Variants in APEH observed in about 807,000 individuals in gnomAD.
The protein encoded by APEH is acylamino-acid-releasing enzyme.
In APEH, 75 loss-of-function variants were observed where a neutral mutation model predicts 102.7. That is an observed-to-expected ratio of 0.73 (90% CI 0.61 to 0.89). APEH has a LOEUF of 0.89. Ranked by LOEUF, APEH falls within the 40% of genes least tolerant of loss-of-function variation. The probability of loss-of-function intolerance (pLI) is 0.00; values close to 1 mark genes in which losing one functional copy is unlikely to be tolerated. For missense variants in APEH, 863 were observed against 941.2 expected, an observed-to-expected ratio of 0.92 and a Z score of 1.09; for synonymous variants, 344 against 362.7, an observed-to-expected ratio of 0.95 and a Z score of 0.59.
At position 49,676,175 on chromosome 3, in the gene APEH, G is replaced by A. The variant is rs374901664; in HGVS notation, c.562G>A (p.Asp188Asn). 16 of 1,614,048 alleles carry A rather than the reference G, an allele frequency of 9.9e-6. No individual in the cohort carries two copies. Among genetic ancestry groups the A allele is most frequent in the Admixed American group, 6.7e-5 (4 of 60,012 alleles). Reference protein sequence around the residue: ...QTKALDVSASDDEIARLKKPD... With the variant: ...QTKALDVSASNDEIARLKKPD... ...CAAAGCCTTGGACGTCAGTGCCAGC[G>A]ATGATGAGATAGCCAGGCTGAAGAA... is the stretch of plus-strand genomic sequence containing the variant. The change falls in exon 6 of 22, where the codon GAT (aspartate) becomes AAT (asparagine). Residue 188 changes from aspartate to asparagine, a missense_variant. Transcript: ENST00000296456.
Position 49,679,654 on chromosome 3 carries a change from G to A in APEH, c.1210+10G>A, listed in dbSNP as rs1379549802. On this transcript the variant is annotated intron_variant, in intron 13 of 21. Transcript: ENST00000296456. The surrounding 1 kb of genome is among the most constrained non-coding windows in gnomAD (Gnocchi z 4.3). ...ACCTCCCTCACAGCTGGTGAGCAAG[G>A]CTTTGGGGATGGGGGTAAGGGCAGG... 6.2e-7 allele frequency: 1 copy of A among 1,613,352 alleles called. No individual in the cohort carries two copies.
Position 49,676,473 on chromosome 3 carries a change from C to T in APEH, c.702C>T (p.Ile234=), listed in dbSNP as rs1276803352. 7 of 1,614,136 alleles carry T rather than the reference C, an allele frequency of 4.3e-6. No homozygotes were observed. The highest frequency in any genetic ancestry group is 5.9e-6 in the Non-Finnish European group (7 of 1,180,050). Residue 234 remains isoleucine, a synonymous_variant, in exon 7 of 22, where the codon ATC becomes ATT. Transcript: ENST00000296456. The part of the protein sequence containing the change: ...LCVLDVESGN[I]SVLEGVPENV... The stretch of plus-strand genomic sequence containing the variant: ...TGCTGGATGTCGAGAGTGGCAACAT[C>T]TCTGTGCTTGAGGGGGTCCCTGAGA...
Position 49,679,820 on chromosome 3 carries a change from C to T in APEH, c.1210+176C>T, listed in dbSNP as rs1243056348. 10 of 615,184 alleles carry T rather than the reference C, an allele frequency of 1.6e-5. No homozygotes were observed. The East Asian group carries it at 2.9e-4, about 18-fold the overall frequency. The allele number at this position is 615,184 out of a possible 1,614,324, so 38.1% of individuals were successfully genotyped here. A position where few individuals can be genotyped will look rare whatever the true frequency, so the allele number is the denominator to read the frequency against. On this transcript the variant is annotated intron_variant, in intron 13 of 21. Transcript: ENST00000296456. This position sits in a 1 kb window ranked among gnomAD's most constrained non-coding sequence, Gnocchi z 4.3. ...CCCAAGGCCCCTGTCTGTGCAGACC[C>T]TTACCCAACCAACAGACTAGCTTCC...
rs1283782035 is a variant in APEH at position 49,683,045 on chromosome 3, G to T, written c.1992G>T (p.Lys664Asn). 1 of 1,613,826 alleles carries T rather than the reference G, an allele frequency of 6.2e-7. No homozygotes were observed. The highest frequency in any genetic ancestry group is 1.3e-5 in the African/African-American group (1 of 74,928). The change falls in exon 21 of 22, where the codon AAG (lysine) becomes AAT (asparagine). Residue 664 changes from lysine to asparagine, a missense_variant. Physicochemically the swap from Lys to Asn is moderately conservative, Grantham distance 94. Coordinates refer to ENST00000296456, the MANE Select transcript of APEH (RefSeq NM_001640.4). The stretch of plus-strand genomic sequence containing the variant: ...ACTCTTCCCCAAACACCCAGGTGAA[G>T]ACACCACTGTTACTGATGTTGGGCC... Reference protein sequence around the residue: ...KSPIRYIPQVKTPLLLMLGQE... With the variant: ...KSPIRYIPQVNTPLLLMLGQE...
At chr3:49,681,690 T>A in intron 15 of APEH, 32 bp from the exon 16 acceptor site, 1 of 1,520,608 alleles carries the variant, frequency 6.6e-7, no homozygotes, top group Non-Finnish European at 8.9e-7. Flanking sequence ...GCCCCTAGGC[T>A]CACCCTGCTG....
At position 49,676,109 on chromosome 3, in the gene APEH, G is replaced by A; in HGVS notation, c.496G>A (p.Ala166Thr). 6.2e-7 allele frequency: 1 copy of A among 1,614,238 alleles called. No homozygotes were observed. The highest frequency in any genetic ancestry group is 1.1e-5 in the South Asian group (1 of 91,090). Residue 166 changes from alanine (A) to threonine (T), a missense_variant, in exon 6 of 22, where the codon GCA (alanine) becomes ACA (threonine). Transcript: ENST00000296456. ...CTCGGAGACACACTTGTTGTATGTG[G>A]CAGAGAAGAAGCGCCCCAAGGCCGA... ...SHSETHLLYVAEKKRPKAESF... is the reference protein window; with the variant it reads ...SHSETHLLYVTEKKRPKAESF...
Position 49,681,968 on chromosome 3 carries a change from G to A in APEH, c.1603+1G>A. On this transcript the variant is annotated splice_donor_variant, in intron 17 of 21. Transcript: ENST00000296456. LOFTEE classifies it high-confidence loss of function. ...AAGATGGGCTTTGCGGTACTACTAG[G>A]TGAGTGAGCAGGGACCCACAGTTCT... 1 of 1,613,174 alleles carries A rather than the reference G, an allele frequency of 6.2e-7. No individual in the cohort carries two copies. Among genetic ancestry groups the A allele is most frequent in the East Asian group, 2.2e-5 (1 of 44,886 alleles).
chr3:49,676,582 A>C, intron 7 of APEH, 27 bp from the exon 8 acceptor site: 1 of 1,613,934 alleles, frequency 6.2e-7, no homozygotes, highest in South Asian at 1.1e-5. Context: ...CCCCTTGCTC[A>C]CTCCTGCCCT....
Position 49,682,699 on chromosome 3 carries a change from A to G in APEH, c.1846A>G (p.Ile616Val). 6 of 1,613,940 alleles carry G rather than the reference A, an allele frequency of 3.7e-6. No individual in the cohort carries two copies. Among genetic ancestry groups the G allele is most frequent in the Non-Finnish European group, 5.1e-6 (6 of 1,179,994 alleles). ...ACVARNPVINIASMLGSTDIP... is the reference protein window; with the variant it reads ...ACVARNPVINVASMLGSTDIP... ...CGTGGCCCGGAACCCCGTGATCAACATCGCCTCCATGTTGGGCTCCACTGA... is the reference window on the plus strand; with the variant it reads ...CGTGGCCCGGAACCCCGTGATCAACGTCGCCTCCATGTTGGGCTCCACTGA... Residue 616 changes from isoleucine to valine, a missense_variant, in exon 19 of 22, where the codon ATC becomes GTC. Ile to Val is a conservative substitution (Grantham distance 29, BLOSUM62 3). Transcript: ENST00000296456.
At chr3:49,681,370 C>A in intron 15 of APEH, 131 bp downstream of exon 15, 1 of 1,132,264 alleles carries the variant, frequency 8.8e-7, no homozygotes, top group South Asian at 2.0e-5. Flanking sequence ...TTTTCTGTTC[C>A]TCTTGTGGAT....
intron 3 of APEH, 181 bp from the exon 4 acceptor site, chr3:49,675,513 T>C: frequency 1.0e-6 from 1 of 971,038 alleles, no homozygotes; most frequent in Non-Finnish European, 1.5e-6. Flanking sequence ...CATGGTGGCC[T>C]GGGGAGTTGC....
chr3:49,675,756 C>T lies in APEH; in HGVS notation c.335C>T (p.Thr112Met), dbSNP rs767157178. 24 of 1,614,024 alleles carry T rather than the reference C, an allele frequency of 1.5e-5. No individual in the cohort carries two copies. The highest frequency in any genetic ancestry group is 1.3e-4 in the South Asian group (12 of 91,074). ...GCTGTGCTGCGCAAGGCTGGAGGCA[C>T]GGGCCCTGGGGAAGAGAAGCAGTTC... ...MKAVLRKAGG[T>M]GPGEEKQFLE... Residue 112 changes from threonine to methionine, a missense_variant, in exon 4 of 22, where the codon ACG becomes ATG. By Grantham distance (81) the Thr-to-Met change is moderately conservative. Coordinates refer to ENST00000296456, the MANE Select transcript of APEH (RefSeq NM_001640.4).
At position 49,682,635 on chromosome 3, in the gene APEH, C is replaced by A. The variant is rs1188580247; in HGVS notation, c.1782C>A (p.Cys594Ter). ...GTTCCCATGGTGGCTTCATTTCCTG[C>A]CACTTGATTGGTCAGTACCCAGAGA... The part of the protein sequence containing the change: ...MGGSHGGFIS[C>*]HLIGQYPETY... Residue 594 changes from cysteine to a stop codon, truncating the protein, a stop_gained, in exon 19 of 22, where the codon TGC (cysteine) becomes TGA (stop). Coordinates refer to ENST00000296456, the MANE Select transcript of APEH (RefSeq NM_001640.4). LOFTEE classifies it high-confidence loss of function. The A allele has an allele frequency of 1.2e-6, 2 of 1,614,104 alleles. No individual in the cohort carries two copies. Among genetic ancestry groups the A allele is most frequent in the Non-Finnish European group, 8.5e-7 (1 of 1,180,036 alleles).
chr3:49,674,693 G>A, intron 2 of APEH, 72 bp downstream of exon 2: 1 of 1,554,752 alleles, frequency 6.4e-7, no homozygotes. Flanking sequence ...GGTGTGGAGG[G>A]CTCGCTGCTT....
intron 5 of APEH, 29 bp from the exon 6 acceptor site, chr3:49,676,027 C>G (rs542596273): frequency 1.8e-5 from 29 of 1,614,144 alleles, no homozygotes; most frequent in Middle Eastern, 1.7e-4. Flanking sequence ...AGCCCTGGGC[C>G]CCCCCTGATT....
chr3:49,682,069 C>T, intron 17 of APEH, 102 bp downstream of exon 17: 2 of 1,320,666 alleles, frequency 1.5e-6, no homozygotes, highest in Non-Finnish European at 2.2e-6. Context: ...GTCTCCAGGA[C>T]TTTCTCTAGC....
In APEH at chr3:49,683,852, A is replaced by C; in HGVS notation, c.*510A>C. On this transcript the variant is annotated 3_prime_UTR_variant, in exon 22 of 22. Transcript: ENST00000296456. Reference sequence around the variant, plus strand: ...TTGGGGAAGCCCCTAGGCTGGACAGATCACCTAGCCCAGGGTGTGCTGGGC... The same window carrying C: ...TTGGGGAAGCCCCTAGGCTGGACAGCTCACCTAGCCCAGGGTGTGCTGGGC... The C allele has an allele frequency of 4.2e-6, 4 of 952,418 alleles. No homozygotes were observed. Among genetic ancestry groups the C allele is most frequent in the Non-Finnish European group, 6.2e-6 (4 of 646,578 alleles). The allele number at this position is 952,418 out of a possible 1,614,324, so 59.0% of individuals were successfully genotyped here. A position where few individuals can be genotyped will look rare whatever the true frequency, so the allele number is the denominator to read the frequency against.
chr3:49,675,781 C>A lies in APEH; in HGVS notation c.360C>A (p.Phe120Leu). The part of the protein sequence containing the change: ...GGTGPGEEKQ[F>L]LEVWEKNRKL... Reference sequence around the variant, plus strand: ...CGGGCCCTGGGGAAGAGAAGCAGTTCCTGGAGGTGAGTCTGCATGGGACCA... The same window carrying A: ...CGGGCCCTGGGGAAGAGAAGCAGTTACTGGAGGTGAGTCTGCATGGGACCA... The change falls in exon 4 of 22, where the codon TTC (phenylalanine) becomes TTA (leucine). Residue 120 changes from phenylalanine (F) to leucine (L), a missense_variant. Phe to Leu is a conservative substitution (Grantham distance 22). Transcript: ENST00000296456. The A allele has an allele frequency of 6.2e-7, 1 of 1,613,916 alleles. No homozygotes were observed. Among genetic ancestry groups the A allele is most frequent in the South Asian group, 1.1e-5 (1 of 91,070 alleles).
chr3:49,674,343 G>A, upstream of APEH: 1 of 1,529,726 alleles, frequency 6.5e-7, no homozygotes, highest in Non-Finnish European at 8.7e-7. Context: ...TCCGCCCCCG[G>A]AAGCCTCACT....
Sources: gnomAD v4.1 joint callset for allele counts on GRCh38, gnomAD v4.1.1 for gene constraint, Gnocchi (gnomAD v3.1) non-coding constraint, MANE v1.5 for transcripts, NCBI Gene and HGNC (gene_info 2026-07-23, HGNC 2026-07-21) for gene names.